ADCY9: variants seen among roughly 807,000 people sequenced by gnomAD.
The protein encoded by ADCY9 is adenylate cyclase type 9.
ADCY9 carries 50 observed loss-of-function variants against 101.5 expected under a neutral mutation model. That is an observed-to-expected ratio of 0.49 (90% CI 0.39 to 0.62). The LOEUF (loss-of-function observed/expected upper bound fraction) is 0.62, where lower values mean the gene tolerates loss of function less well. Among genes scored for constraint, ADCY9 ranks in the 20% least tolerant of loss-of-function variants. The pLI, the probability that ADCY9 is intolerant of heterozygous loss-of-function variation, is 0.00. For missense variants in ADCY9, 1,662 were observed against 1,800.4 expected (o/e 0.92, Z 1.39); for synonymous variants, 905 against 769.3 (o/e 1.18, Z -2.92).
At chr16:3,975,223 GAA>G (rs977176105) in intron 9 of ADCY9, among the ~76,000 whole-genome samples, 1 of 152,168 alleles carries the variant, frequency 6.6e-6, no homozygotes, top group African/African-American at 2.4e-5. Flanking sequence ...ATACTCTCGA[GAA>G]AGAGCTCATC....
chr16:4,069,480 T>C (rs2056820449), intron 2 of ADCY9, among the ~76,000 whole-genome samples: 1 of 151,242 alleles, frequency 6.6e-6, no homozygotes, highest in Non-Finnish European at 1.5e-5. Context: ...TCTGACAGAG[T>C]GGGGCTTCAA....
chr16:3,989,799 T>C (rs1478795991), intron 5 of ADCY9, among the ~76,000 whole-genome samples: 4 of 152,238 alleles, frequency 2.6e-5, no homozygotes, highest in Non-Finnish European at 5.9e-5. Context: ...TACATGGATT[T>C]GGAGGCTTCA....
chr16:3,992,366 G>A lies in ADCY9; in HGVS notation c.1990-3C>T. On this transcript the variant is annotated splice_region_variant and splice_polypyrimidine_tract_variant and intron_variant, in intron 4 of 10. Transcript: ENST00000294016. The surrounding 1 kb of genome is among the most constrained non-coding windows in gnomAD (Gnocchi z 4.2). ...TTGGGATTAGGTCCTCCAGAAGCCTGCCTCGAGACAAAGAGGACGCAGACA... is the reference window on the plus strand; with the variant it reads ...TTGGGATTAGGTCCTCCAGAAGCCTACCTCGAGACAAAGAGGACGCAGACA... 6.2e-7 allele frequency: 1 copy of A among 1,613,632 alleles called. No individual in the cohort carries two copies. The highest frequency in any genetic ancestry group is 1.3e-5 in the African/African-American group (1 of 75,024).
In ADCY9 at chr16:3,991,452, A is replaced by G. The variant is rs114721685; in HGVS notation, c.2207+694T>C. On this transcript the variant is annotated intron_variant, in intron 5 of 10. Transcript: ENST00000294016. ...CAGGAATATTTGATAAAAGGACTGG[A>G]CCTGTATTTTTCAAAAATGTTACCA... 4.4e-3 allele frequency among the ~76,000 whole-genome samples: 674 copies of G among 152,124 alleles called. 4 individuals carry two copies. The highest frequency in any genetic ancestry group is 0.016 in the African/African-American group (659 of 41,506).
chr16:4,023,246 C>T (rs1279164223), intron 2 of ADCY9, among the ~76,000 whole-genome samples: 1 of 152,208 alleles, frequency 6.6e-6, no homozygotes, highest in East Asian at 1.9e-4. Context: ...CGTCCATCAC[C>T]TGACTCAGTG....
At chr16:4,046,966 C>T (rs1310391076) in intron 2 of ADCY9, among the ~76,000 whole-genome samples, 3 of 152,032 alleles carry the variant, frequency 2.0e-5, no homozygotes, top group Admixed American at 6.5e-5. Flanking sequence ...GCTATAAGTA[C>T]GCCACTGGAC....
downstream of ADCY9, among the ~76,000 whole-genome samples, chr16:3,961,276 C>T (rs2055936587): frequency 1.3e-5 from 2 of 151,582 alleles, no homozygotes; most frequent in African/African-American, 2.4e-5. Context: ...GGCAAGACCC[C>T]GTCTCTGCAA....
chr16:4,071,265 G>T (rs1324225492), intron 2 of ADCY9, among the ~76,000 whole-genome samples: 1 of 142,464 alleles, frequency 7.0e-6, no homozygotes, highest in East Asian at 2.3e-4. Context: ...GGGAAGCGGA[G>T]GTTGCAGTGA....
At chr16:4,098,185 C>T (rs573892850) in intron 2 of ADCY9, among the ~76,000 whole-genome samples, 2 of 151,866 alleles carry the variant, frequency 1.3e-5, no homozygotes, top group South Asian at 4.2e-4. Context: ...ACTCCTCAGT[C>T]TGCAAACATG....
At chr16:4,075,269 G>T (rs1567138161) in intron 2 of ADCY9, among the ~76,000 whole-genome samples, 1 of 152,198 alleles carries the variant, frequency 6.6e-6, no homozygotes, top group Non-Finnish European at 1.5e-5. Context: ...CTCCCAAGTA[G>T]CTGGGATTAC....
intron 6 of ADCY9, among the ~76,000 whole-genome samples, chr16:3,986,696 G>A (rs1033308199): frequency 6.6e-6 from 1 of 152,070 alleles, no homozygotes; most frequent in Non-Finnish European, 1.5e-5. Flanking sequence ...GACCTCAGGT[G>A]ATCTGCCCGC....
At chr16:3,983,761 C>CA (rs1192912467) in intron 6 of ADCY9, 15 of 323,550 alleles carry the variant, frequency 4.6e-5, no homozygotes, top group Non-Finnish European at 8.1e-5. Flanking sequence ...TCCATCTCTA[C>CA]AAAAAACTTT....
intron 2 of ADCY9, among the ~76,000 whole-genome samples, chr16:4,012,173 G>A (rs1443159200): frequency 6.6e-6 from 1 of 152,124 alleles, no homozygotes; most frequent in Non-Finnish European, 1.5e-5. Flanking sequence ...ACACACCTCC[G>A]TGTCCACAAC....
chr16:4,113,259 G>A (rs139472766), intron 2 of ADCY9, among the ~76,000 whole-genome samples: 366 of 152,072 alleles, frequency 2.4e-3, no homozygotes, highest in Admixed American at 4.4e-3. Flanking sequence ...GCAGGACTGC[G>A]CCGACTTCCT....
chr16:4,034,817 C>A (rs76103543), intron 2 of ADCY9, among the ~76,000 whole-genome samples: 69 of 152,290 alleles, frequency 4.5e-4, no homozygotes, highest in African/African-American at 1.6e-3. Flanking sequence ...AGCTGACAGA[C>A]CCCTGAAGTG....
intron 2 of ADCY9, among the ~76,000 whole-genome samples, chr16:4,083,820 C>T (rs74005718): frequency 0.013 from 1,989 of 152,230 alleles, 29 homozygotes; most frequent in African/African-American, 0.045. Flanking sequence ...TGCAAAGAGA[C>T]AGAAAGCAGC....
intron 2 of ADCY9, among the ~76,000 whole-genome samples, chr16:4,041,170 T>G (rs2141767187): frequency 6.6e-6 from 1 of 152,264 alleles, no homozygotes; most frequent in East Asian, 1.9e-4. Context: ...TCCACACTCA[T>G]CCTTCTCTGA....
intron 2 of ADCY9, among the ~76,000 whole-genome samples, chr16:4,078,996 A>G (rs559619953): frequency 4.6e-5 from 7 of 152,218 alleles, no homozygotes; most frequent in Non-Finnish European, 8.8e-5. Flanking sequence ...TGACAATATT[A>G]TATTTCATCG....
chr16:3,962,134 G>C (rs923288174), downstream of ADCY9, among the ~76,000 whole-genome samples: 1 of 152,192 alleles, frequency 6.6e-6, no homozygotes, highest in African/African-American at 2.4e-5. Context: ...GGAGTGTGGT[G>C]AACTCCCAAG....
Sources: gnomAD v4.1 joint callset for allele counts (sites outside exome capture counted in the v4.1 genomes callset) on GRCh38, gnomAD v4.1.1 for gene constraint, Gnocchi (gnomAD v3.1) non-coding constraint, MANE v1.5 for transcripts, NCBI Gene and HGNC (gene_info 2026-07-23, HGNC 2026-07-21) for gene names.